COPA: variants seen among roughly 807,000 people sequenced by gnomAD.
COPA encodes the protein coatomer subunit alpha.
A neutral mutation model predicts 158.7 loss-of-function variants in COPA; 10 were observed. The ratio of observed to expected loss-of-function variants is 0.06; its 90% CI spans 0.04 to 0.11. The LOEUF (loss-of-function observed/expected upper bound fraction) is 0.11, where lower values mean the gene tolerates loss of function less well. COPA is among the 10% of genes least tolerant of loss of function. COPA has a pLI of 1.00. For missense variants in COPA, 1,065 were observed against 1,536.7 expected (o/e 0.69, Z 5.13); for synonymous variants, 462 against 542.8 (o/e 0.85, Z 2.07).
chr1:160,297,224 TCTC>T, intron 21 of COPA, 116 bp downstream of exon 21: 1 of 866,312 alleles, frequency 1.2e-6, no homozygotes, highest in South Asian at 1.6e-5. Context: ...GCATGTTGTC[TCTC>T]CTAAAAAAAT....
intron 17 of COPA, among the ~76,000 whole-genome samples, chr1:160,302,629 A>G (rs1306569637): frequency 7.3e-6 from 1 of 136,964 alleles, no homozygotes; most frequent in Non-Finnish European, 1.5e-5. Flanking sequence ...ATCTCAGCTC[A>G]CTGCAACCTC....
intron 4 of COPA, 55 bp from the exon 5 acceptor site, chr1:160,333,734 G>T (rs1263814891): frequency 9.3e-6 from 13 of 1,396,906 alleles, no homozygotes; most frequent in Non-Finnish European, 1.3e-5. Flanking sequence ...GTTCTATCAG[G>T]TTCTTGTAAT....
chr1:160,317,253 G>A (rs1436763042), intron 8 of COPA: 29 of 721,578 alleles, frequency 4.0e-5, no homozygotes, highest in Non-Finnish European at 6.8e-5. Context: ...CGATCTGAAA[G>A]AAAAAAACAC....
chr1:160,313,563 C>T lies in COPA; in HGVS notation c.843-396G>A, dbSNP rs558407714. Among the ~76,000 whole-genome samples, 84 of 152,120 alleles carry T rather than the reference C, an allele frequency of 5.5e-4. 1 individual carries two copies. Among genetic ancestry groups the T allele is most frequent in the African/African-American group, 1.9e-3 (77 of 41,508 alleles). On this transcript the variant is annotated intron_variant, in intron 9 of 32. Transcript: ENST00000241704. Reference sequence around the variant, plus strand: ...CTGAGTAGCTGGGACTACAGGCGCCCGCCACCACGCCCGGCTAATTTTTTG... The same window carrying T: ...CTGAGTAGCTGGGACTACAGGCGCCTGCCACCACGCCCGGCTAATTTTTTG...
Position 160,295,770 on chromosome 1 carries a change from G to A in COPA, c.2442C>T (p.Ser814=), listed in dbSNP as rs1479281289. 3 of 1,611,676 alleles carry A rather than the reference G, an allele frequency of 1.9e-6. No individual in the cohort carries two copies. Among genetic ancestry groups the A allele is most frequent in the Non-Finnish European group, 2.5e-6 (3 of 1,179,426 alleles). ...CAATGGTGCCTTCAAAAAATCCTTT[G>A]GATACAGTCAATAAAGGCCAATTGG... ...LDTNWPLLTV[S]KGFFEGTIAS... is the part of the protein sequence containing the mutation. The change falls in exon 23 of 33, where the codon TCC becomes TCT. Residue 814 remains serine, a synonymous_variant. Transcript: ENST00000241704.
chr1:160,312,037 A>C lies in COPA; in HGVS notation c.926-19T>G. ...TCATGGCCTGGGGGACAGGGAGAGG[A>C]GGAGAAAAAATTAAGCTGTAGGCAA... On this transcript the variant is annotated intron_variant, in intron 10 of 32. Transcript: ENST00000241704. The C allele has an allele frequency of 3.1e-6, 5 of 1,608,016 alleles. No individual in the cohort carries two copies. Among genetic ancestry groups the C allele is most frequent in the Non-Finnish European group, 4.3e-6 (5 of 1,176,384 alleles).
At chr1:160,333,151 T>G (rs1263107355) in intron 5 of COPA, among the ~76,000 whole-genome samples, 1 of 152,248 alleles carries the variant, frequency 6.6e-6, no homozygotes, top group Non-Finnish European at 1.5e-5. Context: ...CTCGAACTTC[T>G]AACCTCAGGT....
chr1:160,297,485 T>G, intron 20 of COPA, 47 bp from the exon 21 acceptor site: 2 of 1,613,134 alleles, frequency 1.2e-6, no homozygotes, highest in Non-Finnish European at 1.7e-6. Context: ...TCTTAAGTTC[T>G]CTTTCTCCTT....
At chr1:160,335,962 C>T (rs890022577) in intron 3 of COPA, among the ~76,000 whole-genome samples, 3 of 150,814 alleles carry the variant, frequency 2.0e-5, no homozygotes, top group Non-Finnish European at 4.4e-5. Flanking sequence ...GATATTTATC[C>T]AGGGCTTGAT....
intron 8 of COPA, among the ~76,000 whole-genome samples, chr1:160,316,902 C>A: frequency 6.6e-6 from 1 of 152,090 alleles, no homozygotes; most frequent in East Asian, 1.9e-4. Flanking sequence ...CCAAACAGGT[C>A]CAACCCAAGT....
Sources: gnomAD v4.1 joint callset for allele counts (sites outside exome capture counted in the v4.1 genomes callset) on GRCh38, gnomAD v4.1.1 for gene constraint, MANE v1.5 for transcripts, NCBI Gene and HGNC (gene_info 2026-07-23, HGNC 2026-07-21) for gene names.